NEK10: variants seen among roughly 807,000 people sequenced by gnomAD.
NEK10 encodes NIMA related kinase 10.
NEK10 carries 122 observed loss-of-function variants against 159.8 expected under a neutral mutation model. The observed-to-expected ratio is 0.76, with a 90% CI of 0.66 to 0.89. The LOEUF (loss-of-function observed/expected upper bound fraction) is 0.89. Ranked by LOEUF, NEK10 falls within the 40% of genes least tolerant of loss-of-function variation. The probability of loss-of-function intolerance (pLI) is 0.00; values close to 1 mark genes in which losing one functional copy is unlikely to be tolerated. For synonymous variants in NEK10, 466 were observed against 457.1 expected (o/e 1.02, Z -0.25); for missense variants, 1,342 against 1,323.1 (o/e 1.01, Z -0.22).
At chr3:27,147,362 G>C (rs1944401898) in intron 30 of NEK10, among the ~76,000 whole-genome samples, 1 of 152,194 alleles carries the variant, frequency 6.6e-6, no homozygotes, top group Non-Finnish European at 1.5e-5. Flanking sequence ...CAGACCAGTA[G>C]ACCATTCTAT....
At chr3:27,285,120 AAGAGGTGGAGGTGAGGGGGTCTT>A (rs1430140698) in intron 20 of NEK10, among the ~76,000 whole-genome samples, 159 bp from the exon 21 acceptor site, 4 of 152,158 alleles carry the variant, frequency 2.6e-5, no homozygotes, top group Non-Finnish European at 4.4e-5. Flanking sequence ...TCAGCCCTGG[AAGAGGTGGAGGTGAGGGGGTCTT>A]AGGGAAACTG....
In NEK10 at chr3:27,310,943, A is replaced by T; in HGVS notation, c.636+6T>A. The T allele has an allele frequency of 6.3e-7, 1 of 1,590,262 alleles. No homozygotes were observed. The highest frequency in any genetic ancestry group is 8.6e-7 in the Non-Finnish European group (1 of 1,158,898). ...TGAAGCATTAACTCTTTCAGGGGCC[A>T]CTCACCTTGTGGGCTCCACTTGTGG... On this transcript the variant is annotated splice_donor_region_variant and intron_variant, in intron 9 of 35. Transcript: ENST00000691995.
At chr3:27,283,715 T>C (rs188547959) in intron 22 of NEK10, among the ~76,000 whole-genome samples, 63 of 152,332 alleles carry the variant, frequency 4.1e-4, no homozygotes, top group Admixed American at 6.5e-4. Context: ...CCTTCTCATT[T>C]GCGAAATTTT....
chr3:27,222,575 T>G (rs1174076459), intron 23 of NEK10, among the ~76,000 whole-genome samples: 1 of 152,192 alleles, frequency 6.6e-6, no homozygotes, highest in African/African-American at 2.4e-5. Context: ...TTTCTTGATA[T>G]GTATATACAT....
At position 27,198,725 on chromosome 3, in the gene NEK10, C is replaced by T. The variant is rs182776360; in HGVS notation, c.2291+2785G>A. 1.1e-3 allele frequency among the ~76,000 whole-genome samples: 160 copies of T among 152,240 alleles called. 2 individuals are homozygous for T. The highest frequency in any genetic ancestry group is 4.8e-3 in the Admixed American group (74 of 15,294). On this transcript the variant is annotated intron_variant, in intron 25 of 35. Coordinates refer to ENST00000691995, the MANE Select transcript of NEK10 (RefSeq NM_001394966.1). ...GGAAGACAACCTAGGCAATACCATTCAGAACATAGGCACAGGCAAAGATTT... is the reference window on the plus strand; with the variant it reads ...GGAAGACAACCTAGGCAATACCATTTAGAACATAGGCACAGGCAAAGATTT...
intron 23 of NEK10, chr3:27,206,706 C>T (rs535396723): frequency 2.0e-5 from 16 of 801,508 alleles, no homozygotes; most frequent in Admixed American, 1.2e-4. Flanking sequence ...AAACCACTGA[C>T]GAAAATAGGG....
At chr3:27,213,292 G>A (rs1951180427) in intron 23 of NEK10, among the ~76,000 whole-genome samples, 1 of 152,164 alleles carries the variant, frequency 6.6e-6, no homozygotes, top group Admixed American at 6.5e-5. Context: ...AGAGTAGGGG[G>A]AATAAAGAAA....
At chr3:27,209,955 C>G (rs1950862497) in intron 23 of NEK10, among the ~76,000 whole-genome samples, 1 of 151,664 alleles carries the variant, frequency 6.6e-6, no homozygotes. Context: ...TGAGCCCACC[C>G]CCACCCCACT....
rs755781781 is a variant in NEK10, at chr3:27,314,384, A to G, written c.448-46T>C. ...AAACACATGTAAATGATGAGGGTGG[A>G]GGGGGAAGTATATTTTACATGCAAT... On this transcript the variant is annotated intron_variant, in intron 6 of 35. Coordinates refer to ENST00000691995, the MANE Select transcript of NEK10 (RefSeq NM_001394966.1). 2 of 1,153,210 alleles carry G rather than the reference A, an allele frequency of 1.7e-6. 1 individual carries two copies. Among genetic ancestry groups the G allele is most frequent in the South Asian group, 2.6e-5 (2 of 76,940 alleles). 71.4% of individuals were successfully genotyped at this position (1,153,210 alleles called of 1,614,324 possible).
chr3:27,338,307 G>A, intron 5 of NEK10, among the ~76,000 whole-genome samples: 1 of 152,206 alleles, frequency 6.6e-6, no homozygotes, highest in Non-Finnish European at 1.5e-5. Context: ...CGGTGTATAT[G>A]TGCCACATTT....
chr3:27,152,993 G>A (rs142960367), intron 30 of NEK10, among the ~76,000 whole-genome samples: 11 of 152,202 alleles, frequency 7.2e-5, no homozygotes, highest in Non-Finnish European at 1.5e-4. Context: ...ACCTAAAACT[G>A]GAGCTTCCAA....
chr3:27,193,440 C>A (rs1949284612), intron 25 of NEK10, among the ~76,000 whole-genome samples: 1 of 152,024 alleles, frequency 6.6e-6, no homozygotes, highest in African/African-American at 2.4e-5. Context: ...AATTAAAATT[C>A]CCAGAATGCT....
chr3:27,284,746 A>G (rs1210819348), intron 21 of NEK10, 42 bp from the exon 22 acceptor site: 2 of 1,532,712 alleles, frequency 1.3e-6, no homozygotes, highest in African/African-American at 1.4e-5. Flanking sequence ...TTCCCCCAAC[A>G]TACATATAGC....
At chr3:27,145,784 C>T (rs1022870897) in intron 30 of NEK10, among the ~76,000 whole-genome samples, 7 of 152,074 alleles carry the variant, frequency 4.6e-5, no homozygotes, top group African/African-American at 1.7e-4. Context: ...CTAAATGCTT[C>T]TGAACCACCA....
At chr3:27,287,927 A>T (rs1361444306) in intron 19 of NEK10, among the ~76,000 whole-genome samples, 184 bp from the exon 20 acceptor site, 2 of 152,194 alleles carry the variant, frequency 1.3e-5, no homozygotes, top group Non-Finnish European at 2.9e-5. Flanking sequence ...TTGCTTATAA[A>T]CTGATCTGAA....
intron 22 of NEK10, among the ~76,000 whole-genome samples, chr3:27,266,335 C>A (rs1313612494): frequency 2.6e-5 from 4 of 152,066 alleles, no homozygotes; most frequent in African/African-American, 7.2e-5. Flanking sequence ...GTGCTATGAT[C>A]CAAGCTGAGC....
chr3:27,132,214 C>T (rs1942703265), intron 31 of NEK10, among the ~76,000 whole-genome samples: 1 of 152,124 alleles, frequency 6.6e-6, no homozygotes, highest in Non-Finnish European at 1.5e-5. Context: ...TTCCATTTAT[C>T]TTATTGTTTC....
intron 22 of NEK10, among the ~76,000 whole-genome samples, chr3:27,274,160 T>G (rs1037047378): frequency 6.6e-6 from 1 of 152,164 alleles, no homozygotes; most frequent in African/African-American, 2.4e-5. Context: ...TTTCCACTTC[T>G]CCAAAGCTTC....
intron 29 of NEK10, among the ~76,000 whole-genome samples, chr3:27,171,372 A>C (rs1946966904): frequency 6.6e-6 from 1 of 152,186 alleles, no homozygotes; most frequent in African/African-American, 2.4e-5. Context: ...TCATATCCTT[A>C]AAAGGAAGAG....
Sources: gnomAD v4.1 joint callset for allele counts (sites outside exome capture counted in the v4.1 genomes callset) on GRCh38, gnomAD v4.1.1 for gene constraint, MANE v1.5 for transcripts, NCBI Gene and HGNC (gene_info 2026-07-23, HGNC 2026-07-21) for gene names.